The following CCR5AS variants were observed in gnomAD, a reference collection of about 807,000 sequenced individuals.
CCR5AS encodes the protein CCR5 antisense RNA.
intron 2 of CCR5AS, among the ~76,000 whole-genome samples, chr3:46,390,805 G>C (rs1055401597): frequency 3.3e-5 from 5 of 152,158 alleles, no homozygotes; most frequent in African/African-American, 1.2e-4. Flanking sequence ...TGTCCAAGTT[G>C]GCACCAGAGT....
chr3:46,367,005 C>T (rs965959434), intron 3 of CCR5AS, among the ~76,000 whole-genome samples: 5 of 151,820 alleles, frequency 3.3e-5, no homozygotes, highest in Non-Finnish European at 7.4e-5. Context: ...CGGGAAGAGC[C>T]CGACTGTCAA....
chr3:46,396,255 C>A (rs1701961046), intron 1 of CCR5AS, among the ~76,000 whole-genome samples: 1 of 151,742 alleles, frequency 6.6e-6, no homozygotes, highest in Non-Finnish European at 1.5e-5. Context: ...CTCGACTGAC[C>A]CTGTGAAAAC....
intron 2 of CCR5AS, among the ~76,000 whole-genome samples, chr3:46,386,454 A>G (rs1344489344): frequency 6.6e-6 from 1 of 152,204 alleles, no homozygotes; most frequent in Admixed American, 6.5e-5. Context: ...GACTCAGAGA[A>G]GGGGCAGGAG....
intron 2 of CCR5AS, chr3:46,374,049 G>C (rs867834481): frequency 1.3e-5 from 12 of 953,622 alleles, no homozygotes; most frequent in Non-Finnish European, 1.7e-5. Flanking sequence ...TGGGGTGGGA[G>C]AGGTCTTTTT....
At chr3:46,385,227 T>C (rs1234792339) in intron 2 of CCR5AS, among the ~76,000 whole-genome samples, 1 of 152,190 alleles carries the variant, frequency 6.6e-6, no homozygotes, top group Non-Finnish European at 1.5e-5. Context: ...CTGTCAAGTG[T>C]AGTTTTTATT....
At chr3:46,379,635 C>T (rs933485517) in intron 2 of CCR5AS, among the ~76,000 whole-genome samples, 11 of 152,132 alleles carry the variant, frequency 7.2e-5, no homozygotes, top group African/African-American at 2.7e-4. Flanking sequence ...TGGCTCACAC[C>T]TGTAATCCCA....
chr3:46,365,310 T>A (rs1701588987), intron 3 of CCR5AS, among the ~76,000 whole-genome samples: 1 of 152,144 alleles, frequency 6.6e-6, no homozygotes, highest in South Asian at 2.1e-4. Flanking sequence ...TAAGCAGCCA[T>A]CAACATCAAA....
intron 2 of CCR5AS, among the ~76,000 whole-genome samples, chr3:46,371,926 T>A (rs1701666214): frequency 6.6e-6 from 1 of 152,166 alleles, no homozygotes; most frequent in Non-Finnish European, 1.5e-5. Context: ...AATTCTCTTT[T>A]CGAGGACTGA....
intron 2 of CCR5AS, chr3:46,392,719 T>C (rs1454037263): frequency 1.3e-5 from 2 of 152,676 alleles, no homozygotes; most frequent in African/African-American, 4.8e-5. Flanking sequence ...GGATAAAATG[T>C]GTCTCCTTTG....
chr3:46,402,983 T>C (rs1702015932), intron 1 of CCR5AS, among the ~76,000 whole-genome samples: 1 of 152,250 alleles, frequency 6.6e-6, no homozygotes, highest in African/African-American at 2.4e-5. Flanking sequence ...TAAGTGAGAA[T>C]ACAAGGTATT....
chr3:46,375,208 A>C (rs1701736093), intron 2 of CCR5AS: 1 of 167,038 alleles, frequency 6.0e-6, no homozygotes, highest in African/African-American at 2.4e-5. Context: ...TTTCCTTCCC[A>C]TCCCAGCTGA....
chr3:46,393,405 T>C (rs1421273930), intron 1 of CCR5AS, among the ~76,000 whole-genome samples: 1 of 148,344 alleles, frequency 6.7e-6, no homozygotes, highest in Non-Finnish European at 1.5e-5. Context: ...GCCTGACAGG[T>C]TGCTGCAGTG....
intron 1 of CCR5AS, among the ~76,000 whole-genome samples, chr3:46,401,855 C>A (rs929263686): frequency 6.6e-6 from 1 of 151,280 alleles, no homozygotes; most frequent in Non-Finnish European, 1.5e-5. Context: ...TCTAAGGAAG[C>A]ATTTCTCAGA....
chr3:46,402,440 T>C (rs6798291), intron 1 of CCR5AS, among the ~76,000 whole-genome samples: 18,469 of 152,222 alleles, frequency 0.12, 1,266 homozygotes, highest in Non-Finnish European at 0.15. Context: ...AAATTGATTG[T>C]TTTCTAAAAG....
chr3:46,404,499 G>C (rs1036628937), intron 1 of CCR5AS, among the ~76,000 whole-genome samples: 8 of 151,646 alleles, frequency 5.3e-5, no homozygotes, highest in African/African-American at 1.9e-4. Flanking sequence ...CACCCCTCCT[G>C]GCTAATTTTT....
At chr3:46,376,409 G>C (rs1191283341) in intron 2 of CCR5AS, among the ~76,000 whole-genome samples, 1 of 152,136 alleles carries the variant, frequency 6.6e-6, no homozygotes, top group African/African-American at 2.4e-5. Flanking sequence ...CAAATTGCCA[G>C]AATAGTTTGT....
At chr3:46,389,614 AG>A (rs1701893235) in intron 2 of CCR5AS, among the ~76,000 whole-genome samples, 1 of 152,208 alleles carries the variant, frequency 6.6e-6, no homozygotes, top group Admixed American at 6.5e-5. Context: ...GTAAGGAAAA[AG>A]GATGGGACGA....
Position 46,370,647 on chromosome 3 carries a change from A to G in CCR5AS, n.565+597T>C, listed in dbSNP as rs28620009. Among the ~76,000 whole-genome samples the G allele has an allele frequency of 2.0e-3, 306 of 152,306 alleles. 1 individual carries two copies. Among genetic ancestry groups the G allele is most frequent in the African/African-American group, 6.6e-3 (274 of 41,558 alleles). On this transcript the variant is annotated intron_variant and non_coding_transcript_variant, in intron 3 of 3. Coordinates refer to ENST00000451485, the Ensembl canonical transcript of CCR5AS. ...AAAATGTGGGCTTTTGACTAGATGA[A>G]TGTAAATGTTCTTCTAGCTCTGATA...
At chr3:46,381,161 G>A (rs191078929) in intron 2 of CCR5AS, among the ~76,000 whole-genome samples, 2 of 152,332 alleles carry the variant, frequency 1.3e-5, no homozygotes, top group Admixed American at 1.3e-4. Context: ...TGGCGCCCAT[G>A]CTGAGCTTGG....
Sources: gnomAD v4.1 joint callset for allele counts (sites outside exome capture counted in the v4.1 genomes callset) on GRCh38, gnomAD v4.1.1 for gene constraint, MANE v1.5 for transcripts, NCBI Gene and HGNC (gene_info 2026-07-23, HGNC 2026-07-21) for gene names.